SLC9C2: variants seen among roughly 807,000 people sequenced by gnomAD.
The protein encoded by SLC9C2 is solute carrier family 9 member C2 (putative).
A neutral mutation model predicts 140.2 loss-of-function variants in SLC9C2; 75 were observed. The ratio of observed to expected loss-of-function variants is 0.53; its 90% CI spans 0.44 to 0.65. The LOEUF is 0.65. SLC9C2 is among the 30% of genes least tolerant of loss of function. SLC9C2 has a pLI of 0.00. For synonymous variants in SLC9C2, 375 were observed against 420.9 expected (o/e 0.89, Z 1.34); for missense variants, 1,074 against 1,331.8 (o/e 0.81, Z 3.01).
At chr1:173,587,500 G>T (rs1382096689) in intron 5 of SLC9C2, among the ~76,000 whole-genome samples, 165 bp downstream of exon 5, 2 of 151,852 alleles carry the variant, frequency 1.3e-5, no homozygotes, top group African/African-American at 4.8e-5. Flanking sequence ...TGTCTTATTT[G>T]CACTGTCTCC....
intron 11 of SLC9C2, among the ~76,000 whole-genome samples, chr1:173,551,078 GC>G (rs75964801): frequency 0.24 from 36,372 of 151,886 alleles, 5,235 homozygotes; most frequent in Non-Finnish European, 0.31. Context: ...TGTTTATGAG[GC>G]ACAGTTCTAA....
intron 18 of SLC9C2, among the ~76,000 whole-genome samples, chr1:173,528,909 C>T (rs978168411): frequency 7.2e-5 from 11 of 152,040 alleles, no homozygotes; most frequent in Non-Finnish European, 1.6e-4. Flanking sequence ...AATATAGAAA[C>T]CAAACACAAT....
rs944082085 is a variant in SLC9C2, at chr1:173,501,089, A to C, written c.*5T>G. On this transcript the variant is annotated 3_prime_UTR_variant, in exon 28 of 28. Coordinates refer to ENST00000367714, the MANE Select transcript of SLC9C2 (RefSeq NM_178527.4). ...AATACCCTTTTCTAAAATGGTATCC[A>C]GTTTTCAACTATAAAAGAAAGTCAA... 6.5e-7 allele frequency: 1 copy of C among 1,534,538 alleles called. No homozygotes were observed. Among genetic ancestry groups the C allele is most frequent in the African/African-American group, 1.4e-5 (1 of 71,840 alleles).
At chr1:173,602,367 C>T (rs1045802602) in intron 1 of SLC9C2, among the ~76,000 whole-genome samples, 3 of 152,116 alleles carry the variant, frequency 2.0e-5, no homozygotes, top group African/African-American at 7.2e-5. Context: ...AGCACCCTTC[C>T]AATAAAAGAT....
intron 17 of SLC9C2, among the ~76,000 whole-genome samples, chr1:173,530,923 T>C (rs1661532460): frequency 6.6e-6 from 1 of 152,138 alleles, no homozygotes; most frequent in African/African-American, 2.4e-5. Context: ...GCTGCTATTT[T>C]GCCTTTGAAA....
intron 9 of SLC9C2, among the ~76,000 whole-genome samples, chr1:173,567,022 T>G (rs929511383): frequency 6.6e-6 from 1 of 151,984 alleles, no homozygotes; most frequent in Non-Finnish European, 1.5e-5. Flanking sequence ...CTTGTTTTAT[T>G]CTGGAAAATG....
intron 9 of SLC9C2, among the ~76,000 whole-genome samples, chr1:173,559,811 G>T (rs577886478): frequency 3.9e-5 from 6 of 152,284 alleles, no homozygotes; most frequent in Non-Finnish European, 7.3e-5. Flanking sequence ...GTCACTCTAG[G>T]AGGCTATATT....
intron 23 of SLC9C2, among the ~76,000 whole-genome samples, chr1:173,512,797 T>C (rs942780733): frequency 6.6e-6 from 1 of 152,206 alleles, no homozygotes; most frequent in South Asian, 2.1e-4. Context: ...TTGTCATAAA[T>C]AGTTCTTATT....
Position 173,526,734 on chromosome 1 carries a change from A to G in SLC9C2, c.2314-20T>C, listed in dbSNP as rs1661225984. The G allele has an allele frequency of 6.7e-7, 1 of 1,488,128 alleles. No individual in the cohort carries two copies. The highest frequency in any genetic ancestry group is 1.2e-5 in the South Asian group (1 of 82,990). The allele number at this position is 1,488,128 out of a possible 1,614,324, so 92.2% of individuals were successfully genotyped here. The stretch of plus-strand genomic sequence containing the variant: ...TAGTTTCTGTAAAAAATTAAGAAAA[A>G]CATGTATTTCTTATTATTCATATAG... On this transcript the variant is annotated intron_variant, in intron 18 of 27. Coordinates refer to ENST00000367714, the MANE Select transcript of SLC9C2 (RefSeq NM_178527.4).
Position 173,524,100 on chromosome 1 carries a change from A to C in SLC9C2, c.2515-6T>G, listed in dbSNP as rs1284006693. 1.2e-6 allele frequency: 2 copies of C among 1,603,574 alleles called. No homozygotes were observed. The highest frequency in any genetic ancestry group is 1.7e-6 in the Non-Finnish European group (2 of 1,176,216). ...TTTAATTTTTTAAGAAGTACCTAAA[A>C]ACAAATAATCAAAATAATGGGGATC... On this transcript the variant is annotated splice_region_variant and splice_polypyrimidine_tract_variant and intron_variant, in intron 20 of 27. Transcript: ENST00000367714.
At chr1:173,590,109 G>A (rs1408223558) in intron 4 of SLC9C2, among the ~76,000 whole-genome samples, 2 of 152,076 alleles carry the variant, frequency 1.3e-5, no homozygotes, top group South Asian at 2.1e-4. Flanking sequence ...CAGGTGTGGT[G>A]GCGGATGCCT....
Position 173,601,768 on chromosome 1 carries a change from A to G in SLC9C2, c.9T>C (p.Ser3=). 6.2e-7 allele frequency: 1 copy of G among 1,613,828 alleles called. No individual in the cohort carries two copies. Among genetic ancestry groups the G allele is most frequent in the Non-Finnish European group, 8.5e-7 (1 of 1,179,874 alleles). ...TACTTTCATTTTGTGCCCAGAAGTA[A>G]GAACTCATTTTTGCTGCTGCTTTTC... MS[S]YFWAQNESNR... The change falls in exon 2 of 28, where the codon TCT becomes TCC. Residue 3 remains serine (S), a synonymous_variant. Transcript: ENST00000367714.
Position 173,598,149 on chromosome 1 carries a change from A to C in SLC9C2, c.229-117T>G. ...AATCTTTCAGTTTACAGCTAACGAGAGAGTATCTACAAGGGCAGTCCTAAG... is the reference window on the plus strand; with the variant it reads ...AATCTTTCAGTTTACAGCTAACGAGCGAGTATCTACAAGGGCAGTCCTAAG... On this transcript the variant is annotated intron_variant, in intron 3 of 27. Coordinates refer to ENST00000367714, the MANE Select transcript of SLC9C2 (RefSeq NM_178527.4). 3.5e-6 allele frequency: 4 copies of C among 1,133,652 alleles called. No homozygotes were observed. In the South Asian group the frequency reaches 5.8e-5, roughly 16 times the overall value. 70.2% of individuals were successfully genotyped at this position (1,133,652 alleles called of 1,614,324 possible). A position where few individuals can be genotyped will look rare whatever the true frequency, so the allele number is the denominator to read the frequency against.
Position 173,501,054 on chromosome 1 carries a change from T to C in SLC9C2, c.*40A>G. On this transcript the variant is annotated 3_prime_UTR_variant, in exon 28 of 28. Coordinates refer to ENST00000367714, the MANE Select transcript of SLC9C2 (RefSeq NM_178527.4). ...TTTAACCTGACTCCACACATCATAT[T>C]TGTATCATTAATACCCTTTTCTAAA... 6.6e-7 allele frequency: 1 copy of C among 1,505,796 alleles called. No homozygotes were observed. Among genetic ancestry groups the C allele is most frequent in the Non-Finnish European group, 8.9e-7 (1 of 1,129,386 alleles). The allele number at this position is 1,505,796 out of a possible 1,614,324, so 93.3% of individuals were successfully genotyped here.
chr1:173,580,648 C>G (rs1349932764), intron 7 of SLC9C2, among the ~76,000 whole-genome samples: 2 of 152,196 alleles, frequency 1.3e-5, no homozygotes, highest in Non-Finnish European at 2.9e-5. Flanking sequence ...CCACTGCACC[C>G]AGCCTATCAT....
At chr1:173,529,553 C>T (rs1341204365) in intron 18 of SLC9C2, among the ~76,000 whole-genome samples, 1 of 151,484 alleles carries the variant, frequency 6.6e-6, no homozygotes, top group Non-Finnish European at 1.5e-5. Flanking sequence ...TTAAGACTTA[C>T]CCTTTCTTTG....
intron 24 of SLC9C2, among the ~76,000 whole-genome samples, chr1:173,508,443 T>A (rs1659803695): frequency 6.6e-6 from 1 of 152,140 alleles, no homozygotes; most frequent in African/African-American, 2.4e-5. Context: ...TCTGAGTCCA[T>A]ACAGTTTCTA....
At chr1:173,601,974 A>G (rs1442800224) in intron 1 of SLC9C2, 119 bp from the exon 2 acceptor site, 2 of 615,120 alleles carry the variant, frequency 3.3e-6, no homozygotes, top group African/African-American at 1.8e-5. Context: ...CAGGGCACAC[A>G]TTAATACCTC....
intron 8 of SLC9C2, among the ~76,000 whole-genome samples, chr1:173,575,341 G>A (rs1196739188): frequency 2.6e-5 from 4 of 152,016 alleles, no homozygotes; most frequent in Admixed American, 6.6e-5. Flanking sequence ...AGGATTGGTC[G>A]AATGGGTGAA....
Sources: allele counts gnomAD v4.1 joint callset (sites outside exome capture counted in the v4.1 genomes callset), GRCh38; gene constraint gnomAD v4.1.1; transcripts MANE v1.5; gene names NCBI Gene and HGNC (gene_info 2026-07-23, HGNC 2026-07-21).